CCNY: variants seen among roughly 807,000 people sequenced by gnomAD.
CCNY encodes cyclin Y.
CCNY carries 19 observed loss-of-function variants against 42.8 expected under a neutral mutation model. The observed-to-expected ratio is 0.44, with a 90% confidence interval of 0.31 to 0.65. The LOEUF (loss-of-function observed/expected upper bound fraction) is 0.65, where lower values mean the gene tolerates loss of function less well. CCNY is among the 30% of genes least tolerant of loss of function. The probability of loss-of-function intolerance (pLI) is 0.07; values close to 1 mark genes in which losing one functional copy is unlikely to be tolerated. For synonymous variants in CCNY, 165 were observed against 162.7 expected, an observed-to-expected ratio of 1.01 and a Z score of -0.11; for missense variants, 370 against 437.3, an observed-to-expected ratio of 0.85 and a Z score of 1.37.
chr10:35,391,183 CA>C (rs1160372001), intron 1 of CCNY, among the ~76,000 whole-genome samples: 5 of 152,182 alleles, frequency 3.3e-5, no homozygotes, highest in African/African-American at 1.2e-4. Flanking sequence ...CACACCTGGA[CA>C]GGGGAGGGGC....
chr10:35,563,116 C>G (rs897511373), intron 8 of CCNY, among the ~76,000 whole-genome samples: 1 of 152,076 alleles, frequency 6.6e-6, no homozygotes, highest in Non-Finnish European at 1.5e-5. Context: ...TATCACATAG[C>G]AAGCTGTCAG....
chr10:35,523,346 G>A (rs182678692), intron 4 of CCNY, among the ~76,000 whole-genome samples: 3 of 152,296 alleles, frequency 2.0e-5, no homozygotes, highest in Non-Finnish European at 4.4e-5. Context: ...GCAGAGATGC[G>A]TTTTTGGGGT....
chr10:35,499,245 G>A (rs574144040), intron 2 of CCNY, among the ~76,000 whole-genome samples: 10 of 152,296 alleles, frequency 6.6e-5, no homozygotes, highest in Admixed American at 5.9e-4. Context: ...CACGTAGCTG[G>A]GGAGGCGTCA....
At chr10:35,560,052 T>C (rs1344326742) in intron 8 of CCNY, among the ~76,000 whole-genome samples, 1 of 152,162 alleles carries the variant, frequency 6.6e-6, no homozygotes, top group Non-Finnish European at 1.5e-5. Context: ...TGTGCCACCA[T>C]TGTATTTTAG....
At chr10:35,285,411 A>G (rs1835342011) in intron 3 of CCNY, among the ~76,000 whole-genome samples, 1 of 151,836 alleles carries the variant, frequency 6.6e-6, no homozygotes, top group South Asian at 2.1e-4. Flanking sequence ...TTTAACATCC[A>G]TTTTGATAAT....
At chr10:35,420,859 T>C (rs1404221044) in intron 1 of CCNY, among the ~76,000 whole-genome samples, 1 of 152,242 alleles carries the variant, frequency 6.6e-6, no homozygotes. Context: ...TGAATTCTAA[T>C]TTCAAAATCT....
At chr10:35,565,784 C>T (rs1017380568) in intron 8 of CCNY, among the ~76,000 whole-genome samples, 2 of 152,258 alleles carry the variant, frequency 1.3e-5, no homozygotes, top group African/African-American at 2.4e-5. Flanking sequence ...TGAAGTGATT[C>T]GCCCTGAAAC....
chr10:35,334,970 C>T (rs1835993275), upstream of CCNY, among the ~76,000 whole-genome samples: 1 of 151,874 alleles, frequency 6.6e-6, no homozygotes, highest in South Asian at 2.1e-4. Flanking sequence ...CATCTCTGGG[C>T]CTCAGTTTCC....
At chr10:35,290,180 C>A (rs1001278494) in intron 3 of CCNY, among the ~76,000 whole-genome samples, 2 of 150,188 alleles carry the variant, frequency 1.3e-5, no homozygotes, top group Non-Finnish European at 3.0e-5. Flanking sequence ...GAGCAGAGAT[C>A]GCACCACTGC....
At chr10:35,408,919 C>T (rs1170078415) in intron 1 of CCNY, among the ~76,000 whole-genome samples, 1 of 151,706 alleles carries the variant, frequency 6.6e-6, no homozygotes, top group Non-Finnish European at 1.5e-5. Flanking sequence ...TTTGTTCTTT[C>T]CTCCCATTAC....
intron 1 of CCNY, among the ~76,000 whole-genome samples, chr10:35,347,847 C>G (rs928551417): frequency 1.3e-5 from 2 of 152,104 alleles, no homozygotes; most frequent in Non-Finnish European, 2.9e-5. Context: ...CTGGTTCTTA[C>G]AGTAGGTTTG....
chr10:35,302,213 G>A (rs1422496491), intron 3 of CCNY, among the ~76,000 whole-genome samples: 6 of 150,054 alleles, frequency 4.0e-5, no homozygotes, highest in Non-Finnish European at 7.4e-5. Flanking sequence ...CACCTGCCTC[G>A]GCCTCCCAGA....
At chr10:35,325,336 A>C (rs1405118396) in intron 3 of CCNY, among the ~76,000 whole-genome samples, 6 of 150,860 alleles carry the variant, frequency 4.0e-5, no homozygotes, top group Non-Finnish European at 7.4e-5. Context: ...GCGCCATCAC[A>C]CCTGGCTAAT....
chr10:35,296,202 A>G (rs1835468153), intron 3 of CCNY, among the ~76,000 whole-genome samples: 1 of 152,204 alleles, frequency 6.6e-6, no homozygotes, highest in African/African-American at 2.4e-5. Context: ...GAAATTGAGA[A>G]GCAAAAAACT....
At chr10:35,381,330 C>T (rs1430373426) in intron 1 of CCNY, among the ~76,000 whole-genome samples, 4 of 151,928 alleles carry the variant, frequency 2.6e-5, no homozygotes, top group Admixed American at 6.6e-5. Context: ...GAGGCCGAGG[C>T]GGGTGGATCA....
chr10:35,503,908 T>G (rs1330333569), intron 3 of CCNY, among the ~76,000 whole-genome samples: 1 of 152,218 alleles, frequency 6.6e-6, no homozygotes, highest in Non-Finnish European at 1.5e-5. Context: ...TTATCTGAAC[T>G]TAGAGATAAC....
At chr10:35,501,712 CA>C in intron 3 of CCNY, 177 bp downstream of exon 3, 1 of 577,696 alleles carries the variant, frequency 1.7e-6, no homozygotes, top group South Asian at 2.3e-5. Context: ...AGTATTTGTC[CA>C]CTGTCCCAAA....
At chr10:35,276,791 T>C (rs1446598498) in intron 3 of CCNY, among the ~76,000 whole-genome samples, 1 of 152,216 alleles carries the variant, frequency 6.6e-6, no homozygotes, top group East Asian at 1.9e-4. Flanking sequence ...TAGTCCTTTC[T>C]TCATCACTTT....
At chr10:35,379,351 T>C (rs985134520) in intron 1 of CCNY, among the ~76,000 whole-genome samples, 1 of 152,142 alleles carries the variant, frequency 6.6e-6, no homozygotes, top group African/African-American at 2.4e-5. Context: ...GCCCCAGGCT[T>C]TCTTATCAGC....
Sources: gnomAD v4.1 joint callset for allele counts (sites outside exome capture counted in the v4.1 genomes callset) on GRCh38, gnomAD v4.1.1 for gene constraint, MANE v1.5 for transcripts, NCBI Gene and HGNC (gene_info 2026-07-23, HGNC 2026-07-21) for gene names.